MYRIP: variants seen among roughly 807,000 people sequenced by gnomAD.
MYRIP encodes the protein rab effector MyRIP.
A neutral mutation model predicts 98.0 loss-of-function variants in MYRIP; 49 were observed. The ratio of observed to expected loss-of-function variants is 0.50; its 90% CI spans 0.40 to 0.63. The LOEUF (loss-of-function observed/expected upper bound fraction) is 0.63. MYRIP is among the 30% of genes least tolerant of loss of function. MYRIP has a pLI of 0.00. For missense variants in MYRIP, 1,004 were observed against 1,058.2 expected, an observed-to-expected ratio of 0.95 and a Z score of 0.71; for synonymous variants, 404 against 409.5, an observed-to-expected ratio of 0.99 and a Z score of 0.16.
At chr3:39,865,705 A>G (rs956924351) in intron 1 of MYRIP, among the ~76,000 whole-genome samples, 6 of 152,186 alleles carry the variant, frequency 3.9e-5, no homozygotes, top group Admixed American at 3.9e-4. Context: ...AGCAAGGGGA[A>G]CACTTATACT....
rs539437933 is a variant in MYRIP at position 39,997,615 on chromosome 3, G to C, written c.111-46435G>C. ...AATTCTACCAGAGGTACAAGGAGGAGCTAGTACCATTCCTTCTGAAACTAT... is the reference window on the plus strand; with the variant it reads ...AATTCTACCAGAGGTACAAGGAGGACCTAGTACCATTCCTTCTGAAACTAT... On this transcript the variant is annotated intron_variant, in intron 2 of 16. Coordinates refer to ENST00000302541, the MANE Select transcript of MYRIP (RefSeq NM_015460.4). Among the ~76,000 whole-genome samples the C allele has an allele frequency of 3.0e-4, 45 of 152,250 alleles. No homozygotes were observed. The East Asian group carries it at 8.3e-3, about 28-fold the overall frequency.
chr3:40,208,183 C>G (rs1222096550), intron 10 of MYRIP, among the ~76,000 whole-genome samples: 1 of 151,926 alleles, frequency 6.6e-6, no homozygotes, highest in Non-Finnish European at 1.5e-5. Context: ...CACAAAGATC[C>G]CATGATGTAT....
intron 2 of MYRIP, among the ~76,000 whole-genome samples, chr3:40,006,444 A>G (rs992085719): frequency 6.6e-6 from 1 of 152,182 alleles, no homozygotes; most frequent in Non-Finnish European, 1.5e-5. Context: ...GTGTTGAATT[A>G]GAGGAGTGAC....
intron 10 of MYRIP, among the ~76,000 whole-genome samples, chr3:40,203,650 AAT>A (rs1313100460): frequency 4.6e-5 from 6 of 131,466 alleles, no homozygotes; most frequent in South Asian, 2.3e-4. Context: ...GTTCCATATA[AAT>A]ATATATATAT....
intron 9 of MYRIP, among the ~76,000 whole-genome samples, chr3:40,182,952 C>T (rs1950926814): frequency 6.6e-6 from 1 of 152,210 alleles, no homozygotes; most frequent in African/African-American, 2.4e-5. Context: ...CACAACAGTG[C>T]AGTACAAGTA....
rs527524428 is a variant in MYRIP at position 40,012,885 on chromosome 3, C to A, written c.111-31165C>A. ...AGTTCTCGGCCCCCATAATTGCATG[C>A]GTCTACATATATACACACACATTCT... On this transcript the variant is annotated intron_variant, in intron 2 of 16. Coordinates refer to ENST00000302541, the MANE Select transcript of MYRIP (RefSeq NM_015460.4). Among the ~76,000 whole-genome samples the A allele has an allele frequency of 2.0e-5, 3 of 152,066 alleles. No homozygotes were observed. In the East Asian group the frequency reaches 5.8e-4, roughly 29 times the overall value.
At chr3:40,002,731 T>C (rs11929399) in intron 2 of MYRIP, among the ~76,000 whole-genome samples, 15,322 of 151,976 alleles carry the variant, frequency 0.1, 1,336 homozygotes, top group African/African-American at 0.23. Flanking sequence ...CACAGACACA[T>C]ACATGCTATT....
intron 2 of MYRIP, among the ~76,000 whole-genome samples, chr3:40,018,258 T>C (rs1946913642): frequency 6.6e-6 from 1 of 152,202 alleles, no homozygotes. Context: ...CAATATCTTC[T>C]CTTTGCTCTT....
chr3:40,058,779 T>C (rs1460731243), intron 3 of MYRIP, among the ~76,000 whole-genome samples: 2 of 152,154 alleles, frequency 1.3e-5, no homozygotes, highest in Non-Finnish European at 2.9e-5. Context: ...ATACGGATTC[T>C]TTTTTTCTCT....
At chr3:40,067,029 T>C (rs867025203) in intron 3 of MYRIP, among the ~76,000 whole-genome samples, 10 of 152,192 alleles carry the variant, frequency 6.6e-5, no homozygotes, top group South Asian at 2.1e-4. Context: ...TCAATATTTA[T>C]TACATATAGA....
intron 1 of MYRIP, among the ~76,000 whole-genome samples, chr3:39,826,127 A>AT (rs1054091132): frequency 3.2e-4 from 49 of 151,538 alleles, no homozygotes; most frequent in African/African-American, 1.2e-3. Context: ...TAAAAAAACA[A>AT]TTTTTTGTTA....
intron 2 of MYRIP, among the ~76,000 whole-genome samples, chr3:39,999,188 T>G (rs921267974): frequency 1.6e-4 from 25 of 152,248 alleles, no homozygotes; most frequent in African/African-American, 5.5e-4. Flanking sequence ...GGGTTCTAAT[T>G]AAACTAAAGA....
At chr3:40,013,377 A>G (rs1431076707) in intron 2 of MYRIP, among the ~76,000 whole-genome samples, 2 of 152,238 alleles carry the variant, frequency 1.3e-5, no homozygotes, top group Non-Finnish European at 2.9e-5. Flanking sequence ...GAAAGAGATC[A>G]TGGAAGTGTC....
intron 3 of MYRIP, among the ~76,000 whole-genome samples, chr3:40,057,611 C>T (rs1188666355): frequency 2.6e-5 from 4 of 152,154 alleles, no homozygotes; most frequent in Non-Finnish European, 5.9e-5. Flanking sequence ...AGAACTCATA[C>T]TTTCTCTGTC....
At chr3:39,847,946 G>A (rs1174194153) in intron 1 of MYRIP, among the ~76,000 whole-genome samples, 1 of 152,168 alleles carries the variant, frequency 6.6e-6, no homozygotes, top group Admixed American at 6.5e-5. Context: ...CAATCACACA[G>A]CTCTCTGAAG....
At chr3:39,870,754 A>C (rs567029433) in intron 1 of MYRIP, among the ~76,000 whole-genome samples, 2 of 152,340 alleles carry the variant, frequency 1.3e-5, no homozygotes, top group South Asian at 4.1e-4. Context: ...AAAACATTAA[A>C]TACAACCAGG....
intron 1 of MYRIP, among the ~76,000 whole-genome samples, chr3:39,832,694 C>T (rs1371374250): frequency 6.6e-6 from 1 of 152,160 alleles, no homozygotes; most frequent in East Asian, 1.9e-4. Flanking sequence ...TAGTGTAAAG[C>T]AGTGCCCCCA....
chr3:40,028,715 C>T (rs755263548), intron 2 of MYRIP, among the ~76,000 whole-genome samples: 7 of 152,140 alleles, frequency 4.6e-5, no homozygotes, highest in Non-Finnish European at 1.0e-4. Context: ...CCTGGTCTTT[C>T]CCAAGATATT....
In MYRIP at chr3:40,251,889, A is replaced by G. The variant is rs1382914278; in HGVS notation, c.2437A>G (p.Ile813Val). The G allele has an allele frequency of 7.5e-6, 12 of 1,609,066 alleles. No individual in the cohort carries two copies. Among genetic ancestry groups the G allele is most frequent in the Non-Finnish European group, 1.0e-5 (12 of 1,175,488 alleles). The change falls in exon 16 of 17, where the codon ATT becomes GTT. Residue 813 changes from isoleucine (I) to valine (V), a missense_variant. Physicochemically the swap from Ile to Val is conservative, Grantham distance 29 (BLOSUM62 3). Coordinates refer to ENST00000302541, the MANE Select transcript of MYRIP (RefSeq NM_015460.4). ...LPAPPVKAEK[I>V]ETSSVTTIKT... ...CATTTATTTCCTTTTAGCTGAAAAA[A>G]TTGAGACATCTTCAGTGACTACCAT...
Sources: allele counts gnomAD v4.1 joint callset (sites outside exome capture counted in the v4.1 genomes callset), GRCh38; gene constraint gnomAD v4.1.1; transcripts MANE v1.5; gene names NCBI Gene and HGNC (gene_info 2026-07-23, HGNC 2026-07-21).